Variants in SHROOM3 observed in about 807,000 individuals in gnomAD.
SHROOM3 encodes shroom family member 3, also known as protein Shroom3.
In SHROOM3, 47 loss-of-function variants were observed where a neutral mutation model predicts 138.6. That is an observed-to-expected ratio of 0.34 (90% CI 0.27 to 0.43). SHROOM3 has a LOEUF of 0.43. Ranked by LOEUF, SHROOM3 falls within the 20% of genes least tolerant of loss-of-function variation. The pLI is 1.00. For missense variants in SHROOM3, 2,491 were observed against 2,596.5 expected, an observed-to-expected ratio of 0.96 and a Z score of 0.88; for synonymous variants, 1,062 against 1,063.3, an observed-to-expected ratio of 1.00 and a Z score of 0.02.
At chr4:76,574,116 C>T (rs1173402775) in intron 2 of SHROOM3, among the ~76,000 whole-genome samples, 1 of 152,202 alleles carries the variant, frequency 6.6e-6, no homozygotes, top group Non-Finnish European at 1.5e-5. Flanking sequence ...CTTGACTTGC[C>T]ACCATCTTTT....
chr4:76,452,342 T>C (rs1221444211), intron 1 of SHROOM3, among the ~76,000 whole-genome samples: 2 of 152,180 alleles, frequency 1.3e-5, no homozygotes, highest in Non-Finnish European at 2.9e-5. Flanking sequence ...ATTTTCATCT[T>C]CCCAAACTGA....
rs1314599446 is a variant in SHROOM3 at position 76,740,469 on chromosome 4, G to A, written c.2296G>A (p.Ala766Thr). The A allele has an allele frequency of 3.1e-6, 5 of 1,611,762 alleles. No individual in the cohort carries two copies. The highest frequency in any genetic ancestry group is 3.3e-5 in the Admixed American group (2 of 59,882). The change falls in exon 5 of 11, where the codon GCC becomes ACC. Residue 766 changes from alanine (A) to threonine (T), a missense_variant. Transcript: ENST00000296043. The surrounding 1 kb of genome is among the most constrained non-coding windows in gnomAD (Gnocchi z 4.0). ...LGRRGPGPGS[A>T]SALQGFQYGK... ...CCGGAGGGGGCCCGGCCCAGGCAGC[G>A]CCTCGGCTCTTCAGGGCTTTCAGTA...
At chr4:76,747,926 C>G (rs1039480774) in intron 5 of SHROOM3, among the ~76,000 whole-genome samples, 1 of 152,236 alleles carries the variant, frequency 6.6e-6, no homozygotes, top group Admixed American at 6.5e-5. Flanking sequence ...TAACTGTGGG[C>G]AAGATATGTC....
At chr4:76,642,269 G>A (rs182637327) in intron 2 of SHROOM3, among the ~76,000 whole-genome samples, 1 of 152,238 alleles carries the variant, frequency 6.6e-6, no homozygotes, top group East Asian at 1.9e-4. Flanking sequence ...TCTAAAGCCT[G>A]ATCAATAAAT....
chr4:76,599,202 A>C (rs188852619), intron 2 of SHROOM3, among the ~76,000 whole-genome samples: 58 of 152,318 alleles, frequency 3.8e-4, no homozygotes, highest in African/African-American at 1.3e-3. Context: ...CTGTTGAATA[A>C]TAACAATAAA....
At chr4:76,514,330 T>G (rs1732400992) in intron 1 of SHROOM3, among the ~76,000 whole-genome samples, 1 of 152,152 alleles carries the variant, frequency 6.6e-6, no homozygotes. Context: ...TAAAAAAGAA[T>G]GATGTACTGA....
At chr4:76,772,108 T>TC (rs200061765) in intron 10 of SHROOM3, among the ~76,000 whole-genome samples, 3,640 of 147,006 alleles carry the variant, frequency 0.025, 51 homozygotes, top group Non-Finnish European at 0.036. Context: ...TTTTTCTTTT[T>TC]TTTTTTTTTT....
intron 1 of SHROOM3, among the ~76,000 whole-genome samples, chr4:76,473,351 T>G (rs1731418380): frequency 6.6e-6 from 1 of 152,240 alleles, no homozygotes; most frequent in Non-Finnish European, 1.5e-5. Context: ...CTCATGCCTT[T>G]AATCCCAGTG....
chr4:76,450,097 C>G (rs780834795), intron 1 of SHROOM3, among the ~76,000 whole-genome samples: 2 of 152,134 alleles, frequency 1.3e-5, no homozygotes, highest in African/African-American at 4.8e-5. Flanking sequence ...CATGCCTGCT[C>G]TAGCTCCAGG....
intron 9 of SHROOM3, among the ~76,000 whole-genome samples, chr4:76,766,412 C>T (rs949629795): frequency 6.6e-6 from 1 of 152,100 alleles, no homozygotes; most frequent in Non-Finnish European, 1.5e-5. Flanking sequence ...GGGAAGGGTC[C>T]AGAGGACATT....
chr4:76,594,459 CAA>C (rs1344553195), intron 2 of SHROOM3, among the ~76,000 whole-genome samples: 1 of 152,126 alleles, frequency 6.6e-6, no homozygotes, highest in Non-Finnish European at 1.5e-5. Flanking sequence ...ATCCTAGTCT[CAA>C]GAGTCACAGA....
intron 3 of SHROOM3, among the ~76,000 whole-genome samples, chr4:76,715,216 G>A (rs960137643): frequency 6.6e-6 from 1 of 152,096 alleles, no homozygotes; most frequent in Non-Finnish European, 1.5e-5. Flanking sequence ...TCATTGTGGA[G>A]AAAATAGCCA....
At position 76,579,084 on chromosome 4, in the gene SHROOM3, G is replaced by T. The variant is rs372641451; in HGVS notation, c.323+23321G>T. 6.6e-5 allele frequency among the ~76,000 whole-genome samples: 10 copies of T among 152,298 alleles called. No homozygotes were observed. The East Asian group carries it at 1.9e-3, about 29-fold the overall frequency. On this transcript the variant is annotated intron_variant, in intron 2 of 10. Coordinates refer to ENST00000296043, the MANE Select transcript of SHROOM3 (RefSeq NM_020859.4). ...GGTCCCAGCTACTCAGGAAGTTGAG[G>T]TGGGAGGATCGCTTGAGCCCGGGAG...
At chr4:76,485,208 TC>T (rs1223348169) in intron 1 of SHROOM3, among the ~76,000 whole-genome samples, 6 of 152,186 alleles carry the variant, frequency 3.9e-5, no homozygotes, top group South Asian at 4.1e-4. Flanking sequence ...ATACTTGCTG[TC>T]TGCAAATAAC....
At chr4:76,770,457 T>G (rs1722323595) in intron 9 of SHROOM3, among the ~76,000 whole-genome samples, 169 bp from the exon 10 acceptor site, 1 of 151,562 alleles carries the variant, frequency 6.6e-6, no homozygotes, top group South Asian at 2.1e-4. Context: ...GGTAGACCCT[T>G]AGGGAAAGAA....
chr4:76,754,974 C>G lies in SHROOM3; in HGVS notation c.4491C>G (p.Ser1497=), dbSNP rs747325395. The part of the protein sequence containing the change: ...LRISESVLRD[S]PPPHEDYEDE... The stretch of plus-strand genomic sequence containing the variant: ...TATCTGAGTCTGTCCTGCGGGACTC[C>G]CCGCCACCTCATGAGGATTATGAAG... Residue 1497 remains serine, a synonymous_variant, in exon 7 of 11, where the codon TCC becomes TCG. Coordinates refer to ENST00000296043, the MANE Select transcript of SHROOM3 (RefSeq NM_020859.4). 2 of 1,614,074 alleles carry G rather than the reference C, an allele frequency of 1.2e-6. No homozygotes were observed. The highest frequency in any genetic ancestry group is 1.7e-6 in the Non-Finnish European group (2 of 1,179,954).
intron 2 of SHROOM3, among the ~76,000 whole-genome samples, chr4:76,673,585 A>G (rs908300835): frequency 6.6e-6 from 1 of 152,166 alleles, no homozygotes; most frequent in Non-Finnish European, 1.5e-5. Flanking sequence ...TAGCAGCCAA[A>G]TTGAGCAATA....
In SHROOM3 at chr4:76,741,671, TC is replaced by T; in HGVS notation, c.3502del (p.Arg1168GlufsTer71). On this transcript the variant is annotated frameshift_variant, in exon 5 of 11. Coordinates refer to ENST00000296043, the MANE Select transcript of SHROOM3 (RefSeq NM_020859.4). LOFTEE classifies it high-confidence loss of function. The surrounding 1 kb of genome is among the most constrained non-coding windows in gnomAD (Gnocchi z 6.2). ...CCACAGTTGCAGAAACCCAGCAGGCTCCCCGAGATCGCAGCAGCTCCTTCGC... is the reference window on the plus strand; with the variant it reads ...CCACAGTTGCAGAAACCCAGCAGGCTCCCGAGATCGCAGCAGCTCCTTCGC... ...PATVAETQQAPRDRSSSFAGG... is the reference protein window; with the variant it reads ...PATVAETQQAXRDRSSSFAGG... The T allele has an allele frequency of 6.5e-7, 1 of 1,549,892 alleles. No individual in the cohort carries two copies. Among genetic ancestry groups the T allele is most frequent in the Non-Finnish European group, 8.7e-7 (1 of 1,151,066 alleles).
At chr4:76,608,575 C>G in intron 2 of SHROOM3, among the ~76,000 whole-genome samples, 1 of 148,704 alleles carries the variant, frequency 6.7e-6, no homozygotes, top group African/African-American at 2.5e-5. Context: ...CATAGCATAG[C>G]ATAGCATAGC....
Sources: gnomAD v4.1 joint callset for allele counts (sites outside exome capture counted in the v4.1 genomes callset) on GRCh38, gnomAD v4.1.1 for gene constraint, Gnocchi (gnomAD v3.1) non-coding constraint, MANE v1.5 for transcripts, NCBI Gene and HGNC (gene_info 2026-07-23, HGNC 2026-07-21) for gene names.